MECOM: variants seen among roughly 807,000 people sequenced by gnomAD.
The protein encoded by MECOM is MDS1 and EVI1 complex locus, also known as histone-lysine N-methyltransferase MECOM.
MECOM carries 13 observed loss-of-function variants against 116.3 expected under a neutral mutation model. The ratio of observed to expected loss-of-function variants is 0.11; its 90% CI spans 0.07 to 0.18. The LOEUF is 0.18. Among genes scored for constraint, MECOM ranks in the 10% least tolerant of loss-of-function variants. MECOM has a pLI of 1.00. For synonymous variants in MECOM, 528 were observed against 535.2 expected (o/e 0.99, Z 0.19); for missense variants, 1,299 against 1,509.0 (o/e 0.86, Z 2.31).
At chr3:169,359,838 G>A (rs1038290228) in intron 2 of MECOM, among the ~76,000 whole-genome samples, 5 of 151,618 alleles carry the variant, frequency 3.3e-5, no homozygotes, top group African/African-American at 1.2e-4. Context: ...GTTCTCAATG[G>A]AAGCCCCTGC....
intron 1 of MECOM, among the ~76,000 whole-genome samples, chr3:169,636,504 C>T (rs569655825): frequency 4.6e-5 from 7 of 152,240 alleles, no homozygotes; most frequent in East Asian, 1.9e-4. Context: ...AAATCTCAAC[C>T]GCCTGGGATA....
intron 1 of MECOM, among the ~76,000 whole-genome samples, chr3:169,412,275 G>A (rs1212291553): frequency 1.6e-4 from 21 of 134,804 alleles, no homozygotes; most frequent in African/African-American, 6.0e-4. Flanking sequence ...AACAGAGTGA[G>A]ACTCTGTCTC....
rs141437782 is a variant in MECOM, at chr3:169,575,584, C to T, written c.37+87752G>A. Among the ~76,000 whole-genome samples, 24 of 152,296 alleles carry T rather than the reference C, an allele frequency of 1.6e-4. No homozygotes were observed. The East Asian group carries it at 3.7e-3, about 23-fold the overall frequency. ...CGTCCGGGGATGCCGCCTTGTCCTG[C>T]TTTTATCTTACACAAACACCTCCAC... On this transcript the variant is annotated intron_variant, in intron 1 of 16. Transcript: ENST00000651503.
intron 1 of MECOM, among the ~76,000 whole-genome samples, chr3:169,525,928 C>G (rs749056338): frequency 2.0e-5 from 3 of 151,948 alleles, no homozygotes; most frequent in Non-Finnish European, 2.9e-5. Flanking sequence ...ACTCTGGAGG[C>G]TGAGGCAGGA....
intron 7 of MECOM, 91 bp downstream of exon 7, chr3:169,120,965 C>T (rs1730836047): frequency 2.9e-6 from 4 of 1,396,422 alleles, no homozygotes; most frequent in Non-Finnish European, 3.9e-6. Context: ...CGGTGACCCT[C>T]TAAAGGCCAT....
chr3:169,146,261 G>A, intron 2 of MECOM: 1 of 1,183,628 alleles, frequency 8.4e-7, no homozygotes, highest in African/African-American at 1.5e-5. Context: ...ACTTTCTCGC[G>A]AAGCAGCACA....
At chr3:169,167,278 C>T (rs1743743174) in intron 2 of MECOM, among the ~76,000 whole-genome samples, 1 of 152,128 alleles carries the variant, frequency 6.6e-6, no homozygotes, top group South Asian at 2.1e-4. Context: ...ATGGAAATTC[C>T]CAGCTGCATA....
chr3:169,503,055 G>A (rs551367653), intron 1 of MECOM, among the ~76,000 whole-genome samples: 1 of 152,210 alleles, frequency 6.6e-6, no homozygotes, highest in East Asian at 1.9e-4. Context: ...GCAATTCATT[G>A]GCATGTATCA....
chr3:169,437,344 A>G (rs985287237), intron 1 of MECOM, among the ~76,000 whole-genome samples: 1 of 152,224 alleles, frequency 6.6e-6, no homozygotes, highest in Non-Finnish European at 1.5e-5. Flanking sequence ...TGGGTCTCAG[A>G]TAAAGCCTAG....
intron 1 of MECOM, among the ~76,000 whole-genome samples, chr3:169,492,983 C>T (rs1408242762): frequency 6.6e-6 from 1 of 152,116 alleles, no homozygotes; most frequent in Admixed American, 6.5e-5. Flanking sequence ...GATAATAACT[C>T]ATGTTTAGAA....
chr3:169,566,589 G>A (rs1044212914), intron 1 of MECOM, among the ~76,000 whole-genome samples: 3 of 152,134 alleles, frequency 2.0e-5, no homozygotes, highest in African/African-American at 7.2e-5. Context: ...ATGAGAATAT[G>A]GAATGGGAAC....
At chr3:169,414,965 T>C (rs1738283385) in intron 1 of MECOM, among the ~76,000 whole-genome samples, 1 of 152,210 alleles carries the variant, frequency 6.6e-6, no homozygotes, top group African/African-American at 2.4e-5. Context: ...CACTTCAGGA[T>C]ATTATCCAGG....
chr3:169,270,116 G>A (rs1758754978), intron 2 of MECOM, among the ~76,000 whole-genome samples: 1 of 152,130 alleles, frequency 6.6e-6, no homozygotes, highest in African/African-American at 2.4e-5. Flanking sequence ...ACAATGTATA[G>A]TAGTTATAAA....
At chr3:169,335,479 C>T (rs1295847049) in intron 2 of MECOM, among the ~76,000 whole-genome samples, 2 of 152,072 alleles carry the variant, frequency 1.3e-5, no homozygotes, top group African/African-American at 2.4e-5. Context: ...GCTCAGCGTG[C>T]GCTTGGAAGG....
At chr3:169,601,180 C>A (rs963044038) in intron 1 of MECOM, among the ~76,000 whole-genome samples, 1 of 152,172 alleles carries the variant, frequency 6.6e-6, no homozygotes, top group Non-Finnish European at 1.5e-5. Flanking sequence ...AAATTCAAAC[C>A]AACCTCATAG....
intron 1 of MECOM, among the ~76,000 whole-genome samples, chr3:169,559,698 T>C (rs1014099841): frequency 7.2e-5 from 11 of 152,206 alleles, no homozygotes; most frequent in African/African-American, 2.7e-4. Flanking sequence ...AGACTAGGAA[T>C]TTAAGTAACG....
chr3:169,227,582 A>G (rs1294051872), intron 2 of MECOM, among the ~76,000 whole-genome samples: 3 of 152,190 alleles, frequency 2.0e-5, no homozygotes, highest in African/African-American at 7.2e-5. Context: ...TTTGACCCCA[A>G]CCATCTACCA....
At chr3:169,282,595 A>G (rs550723095) in intron 2 of MECOM, among the ~76,000 whole-genome samples, 3 of 152,260 alleles carry the variant, frequency 2.0e-5, no homozygotes, top group East Asian at 3.9e-4. Flanking sequence ...TCTTTGCTGT[A>G]TATTTATTAG....
At chr3:169,401,982 A>G (rs1735982300) in intron 1 of MECOM, among the ~76,000 whole-genome samples, 1 of 152,196 alleles carries the variant, frequency 6.6e-6, no homozygotes, top group African/African-American at 2.4e-5. Context: ...TCTGATTCAA[A>G]AAAGAGGAGA....
Sources: allele counts gnomAD v4.1 joint callset (sites outside exome capture counted in the v4.1 genomes callset), GRCh38; gene constraint gnomAD v4.1.1; transcripts MANE v1.5; gene names NCBI Gene and HGNC (gene_info 2026-07-23, HGNC 2026-07-21).